Variants in GLG1 observed in about 807,000 individuals in gnomAD.
The protein encoded by GLG1 is Golgi apparatus protein 1.
Under a neutral mutation model 160.5 loss-of-function variants are expected in GLG1, and 38 were observed. The ratio of observed to expected loss-of-function variants is 0.24; its 90% CI spans 0.18 to 0.31. The LOEUF is 0.31. Among genes scored for constraint, GLG1 ranks in the 10% least tolerant of loss-of-function variants. GLG1 has a pLI of 1.00. For synonymous variants in GLG1, 644 were observed against 543.4 expected (o/e 1.19, Z -2.57); for missense variants, 1,373 against 1,505.2 (o/e 0.91, Z 1.45).
At chr16:74,534,890 T>A (rs1262108039) in intron 1 of GLG1, among the ~76,000 whole-genome samples, 1 of 152,254 alleles carries the variant, frequency 6.6e-6, no homozygotes, top group Non-Finnish European at 1.5e-5. Flanking sequence ...TTAGTAATAC[T>A]GTTAATGTAA....
intron 4 of GLG1, among the ~76,000 whole-genome samples, chr16:74,499,993 A>G (rs2016348925): frequency 1.3e-5 from 2 of 152,106 alleles, no homozygotes; most frequent in Non-Finnish European, 2.9e-5. Flanking sequence ...ACAGAGTGAG[A>G]CTCCGTCTCA....
At chr16:74,527,896 T>C (rs1453256736) in intron 2 of GLG1, among the ~76,000 whole-genome samples, 1 of 150,346 alleles carries the variant, frequency 6.7e-6, no homozygotes, top group African/African-American at 2.4e-5. Context: ...TTTTTTTTTT[T>C]TTTTTTGAGA....
At position 74,491,230 on chromosome 16, in the gene GLG1, A is replaced by C; in HGVS notation, c.1235-15T>G. ...GACTTGTCGCCCTAAGTTAGGATGT[A>C]AGTCATAACATTACGAAGGGTGATG... On this transcript the variant is annotated splice_polypyrimidine_tract_variant and intron_variant, in intron 7 of 25. Coordinates refer to ENST00000422840, the MANE Select transcript of GLG1 (RefSeq NM_001145667.2). 1 of 1,573,640 alleles carries C rather than the reference A, an allele frequency of 6.4e-7. No homozygotes were observed. The highest frequency in any genetic ancestry group is 8.7e-7 in the Non-Finnish European group (1 of 1,143,198).
intron 1 of GLG1, among the ~76,000 whole-genome samples, chr16:74,599,124 A>G (rs1353842482): frequency 1.3e-5 from 2 of 152,194 alleles, no homozygotes; most frequent in Non-Finnish European, 2.9e-5. Context: ...AGTATTTGCC[A>G]TAAACGACAA....
intron 3 of GLG1, among the ~76,000 whole-genome samples, chr16:74,505,173 T>C (rs2016551188): frequency 6.6e-6 from 1 of 152,236 alleles, no homozygotes; most frequent in East Asian, 1.9e-4. Flanking sequence ...CAAAAGGTGC[T>C]GGATGAAGGA....
intron 2 of GLG1, among the ~76,000 whole-genome samples, chr16:74,519,477 G>A (rs750354390): frequency 3.3e-5 from 5 of 150,056 alleles, no homozygotes; most frequent in Admixed American, 1.3e-4. Flanking sequence ...ATAACTTAAA[G>A]TATAATAATT....
chr16:74,606,579 G>C, intron 1 of GLG1, 78 bp downstream of exon 1: 1 of 1,259,770 alleles, frequency 7.9e-7, no homozygotes, highest in Non-Finnish European at 1.1e-6. Flanking sequence ...GCCGACCGGC[G>C]TCAGCGGCTT....
In GLG1 at chr16:74,490,924, A is replaced by G. The variant is rs575148576; in HGVS notation, c.1449+77T>C. On this transcript the variant is annotated intron_variant, in intron 8 of 25. Coordinates refer to ENST00000422840, the MANE Select transcript of GLG1 (RefSeq NM_001145667.2). ...TACCACAGATGATCCATATAAAGCA[A>G]GGTGGGACAGCATCAGGAAGAGGCT... 8.0e-4 allele frequency: 782 copies of G among 973,554 alleles called. 4 individuals carry two copies. Among genetic ancestry groups the G allele is most frequent in the East Asian group, 1.6e-3 (69 of 41,860 alleles). The allele number at this position is 973,554 out of a possible 1,614,324, so 60.3% of individuals were successfully genotyped here. A position where few individuals can be genotyped will look rare whatever the true frequency, so the allele number is the denominator to read the frequency against.
At chr16:74,508,095 G>T (rs2016678581) in intron 3 of GLG1, among the ~76,000 whole-genome samples, 1 of 152,066 alleles carries the variant, frequency 6.6e-6, no homozygotes, top group South Asian at 2.1e-4. Context: ...AAGGAACACA[G>T]GCTGATGGTT....
intron 1 of GLG1, among the ~76,000 whole-genome samples, chr16:74,597,851 CAAA>C (rs34802935): frequency 1.6e-4 from 16 of 103,078 alleles, no homozygotes; most frequent in Admixed American, 2.1e-4. Flanking sequence ...GAGACTGCCT[CAAA>C]AAAAAAAAAA....
At chr16:74,553,683 C>G (rs1243026353) in intron 1 of GLG1, among the ~76,000 whole-genome samples, 3 of 152,168 alleles carry the variant, frequency 2.0e-5, no homozygotes, top group Non-Finnish European at 2.9e-5. Flanking sequence ...CCATGTTAGC[C>G]AGGATGGTCT....
intron 11 of GLG1, 33 bp from the exon 12 acceptor site, chr16:74,477,566 A>G: frequency 6.3e-7 from 1 of 1,582,378 alleles, no homozygotes; most frequent in Non-Finnish European, 8.6e-7. Flanking sequence ...AATACTTGAA[A>G]GGTAACAAAA....
rs2017800414 is a variant in GLG1, at chr16:74,540,040, ATATATATTATATATATT to A, written c.439-7904_439-7888del. On this transcript the variant is annotated intron_variant, in intron 1 of 25. Transcript: ENST00000422840. ...TATATATATATTATATATATTTTAT[ATATATATTATATATATT>A]TTATATATATATATTATATATATTT... Among the ~76,000 whole-genome samples, 17 of 9,146 alleles carry A rather than the reference ATATATATTATATATATT, an allele frequency of 1.9e-3. 8 individuals are homozygous for A. The highest frequency in any genetic ancestry group is 2.3e-3 in the Non-Finnish European group (12 of 5,298). 6.0% of individuals were successfully genotyped at this position (9,146 alleles called of 152,430 possible). A position where few individuals can be genotyped will look rare whatever the true frequency, so the allele number is the denominator to read the frequency against.
rs899296931 is a variant in GLG1, at chr16:74,597,924, G to T, written c.438+8733C>A. ...CTAGCTACTCATGAGGCTGAGGCAG[G>T]AGAATCGCTTGAACCCGGGAGCCAG... On this transcript the variant is annotated intron_variant, in intron 1 of 25. Transcript: ENST00000422840. Among the ~76,000 whole-genome samples the T allele has an allele frequency of 2.0e-5, 3 of 151,500 alleles. No individual in the cohort carries two copies. The East Asian group carries it at 5.8e-4, about 29-fold the overall frequency.
In GLG1 at chr16:74,554,265, G is replaced by A. The variant is rs547350988; in HGVS notation, c.439-22112C>T. 4.1e-4 allele frequency among the ~76,000 whole-genome samples: 63 copies of A among 152,370 alleles called. 1 individual carries two copies. The South Asian group carries it at 0.013, about 31-fold the overall frequency. On this transcript the variant is annotated intron_variant, in intron 1 of 25. Transcript: ENST00000422840. ...AAATGGGAGGAGAGCCAGGCGCCGT[G>A]ACTCACGCCTGTAATCTCAGAACTT...
At chr16:74,460,431 A>G (rs1264746593) in intron 22 of GLG1, among the ~76,000 whole-genome samples, 1 of 152,222 alleles carries the variant, frequency 6.6e-6, no homozygotes, top group Non-Finnish European at 1.5e-5. Flanking sequence ...TGCTGGGATT[A>G]TAGGCATGAG....
chr16:74,517,934 T>A (rs1194047248), intron 2 of GLG1, among the ~76,000 whole-genome samples: 1 of 152,106 alleles, frequency 6.6e-6, no homozygotes, highest in East Asian at 1.9e-4. Flanking sequence ...CAATCATGAG[T>A]GAACTCCCAT....
intron 1 of GLG1, among the ~76,000 whole-genome samples, chr16:74,599,760 A>T (rs1415233961): frequency 6.6e-6 from 1 of 152,032 alleles, no homozygotes; most frequent in Non-Finnish European, 1.5e-5. Flanking sequence ...GCTACTCGGG[A>T]GGCTGAGGCA....
chr16:74,518,390 TC>T (rs1242642725), intron 2 of GLG1, among the ~76,000 whole-genome samples: 1 of 152,002 alleles, frequency 6.6e-6, no homozygotes, highest in Admixed American at 6.6e-5. Context: ...CTCAAAAATA[TC>T]ACCAGATGTC....
Sources: allele counts gnomAD v4.1 joint callset (sites outside exome capture counted in the v4.1 genomes callset), GRCh38; gene constraint gnomAD v4.1.1; transcripts MANE v1.5; gene names NCBI Gene and HGNC (gene_info 2026-07-23, HGNC 2026-07-21).